SEPHS1: variants seen among roughly 807,000 people sequenced by gnomAD.
SEPHS1 encodes zincore component SEPHS1.
SEPHS1 carries 7 observed loss-of-function variants against 39.2 expected under a neutral mutation model. The observed-to-expected ratio is 0.18, with a 90% confidence interval of 0.10 to 0.34. SEPHS1 has a LOEUF of 0.34. SEPHS1 is among the 10% of genes least tolerant of loss of function. The pLI is 1.00. For missense variants in SEPHS1, 253 were observed against 514.5 expected, an observed-to-expected ratio of 0.49 and a Z score of 4.92; for synonymous variants, 190 against 195.5, an observed-to-expected ratio of 0.97 and a Z score of 0.23.
intron 2 of SEPHS1, among the ~76,000 whole-genome samples, chr10:13,344,150 G>GCA (rs1833866702): frequency 6.6e-6 from 1 of 152,120 alleles, no homozygotes; most frequent in Non-Finnish European, 1.5e-5. Flanking sequence ...TTCGCCCGAT[G>GCA]CACCCTGCAG....
At position 13,329,580 on chromosome 10, in the gene SEPHS1, G is replaced by A. The variant is rs116599653; in HGVS notation, c.651+118C>T. On this transcript the variant is annotated intron_variant, in intron 6 of 8. Transcript: ENST00000327347. The stretch of plus-strand genomic sequence containing the variant: ...ATTCCTAGGATTTCTTTAAGGACTT[G>A]ACTAATATTAACTCCCTGGATATGA... 1.0e-3 allele frequency: 715 copies of A among 689,308 alleles called. 3 individuals carry two copies. The African/African-American group carries it at 0.011, about 11-fold the overall frequency. The allele number at this position is 689,308 out of a possible 1,614,324, so 42.7% of individuals were successfully genotyped here.
chr10:13,331,132 G>T (rs1161150605), intron 5 of SEPHS1, among the ~76,000 whole-genome samples: 1 of 152,146 alleles, frequency 6.6e-6, no homozygotes, highest in Non-Finnish European at 1.5e-5. Flanking sequence ...ATGGTTTCCA[G>T]CTTCATCCAT....
chr10:13,323,784 C>T (rs1038774902), intron 7 of SEPHS1, among the ~76,000 whole-genome samples: 2 of 150,904 alleles, frequency 1.3e-5, no homozygotes, highest in Non-Finnish European at 2.9e-5. Context: ...CTCTATTGAC[C>T]AGGCTGGAGT....
At chr10:13,347,901 G>T (rs1337234207) in intron 1 of SEPHS1, 99 bp downstream of exon 1, 1 of 147,072 alleles carries the variant, frequency 6.8e-6, no homozygotes. Flanking sequence ...GGCGGTCCCG[G>T]GCGGCCCGGA....
In SEPHS1 at chr10:13,336,342, T is replaced by C. The variant is rs1833633330; in HGVS notation, c.306A>G (p.Ile102Met). The C allele has an allele frequency of 3.1e-6, 5 of 1,612,564 alleles. No homozygotes were observed. The East Asian group carries it at 8.9e-5, about 29-fold the overall frequency. The change falls in exon 4 of 9, where the codon ATA becomes ATG. Residue 102 changes from isoleucine (I) to methionine (M), a missense_variant. Transcript: ENST00000327347. ...IVDDPYMMGR[I>M]ACANVLSDLY... ...GGTCACTGAGGACATTGGCACACGC[T>C]ATCCTGCCCTGGGAAGAGAGGGAAA...
At chr10:13,343,304 G>C (rs1833845753) in intron 2 of SEPHS1, among the ~76,000 whole-genome samples, 1 of 151,986 alleles carries the variant, frequency 6.6e-6, no homozygotes, top group South Asian at 2.1e-4. Flanking sequence ...TCGCTCACAT[G>C]GTATTTCTCC....
At chr10:13,322,747 GGCCCACTCGGGGTGGGGCTGCT>G in intron 8 of SEPHS1, 66 bp downstream of exon 8, 1 of 1,235,442 alleles carries the variant, frequency 8.1e-7, no homozygotes, top group East Asian at 2.5e-5. Context: ...ACAGAGTGGG[GGCCCACTCGGGGTGGGGCTGCT>G]GCTTTCTCGC....
intron 8 of SEPHS1, among the ~76,000 whole-genome samples, chr10:13,320,310 T>A (rs1472665968): frequency 3.3e-5 from 5 of 151,710 alleles, no homozygotes; most frequent in African/African-American, 1.2e-4. Flanking sequence ...GCCTCCTGAG[T>A]AGCTGGGACT....
intron 5 of SEPHS1, 82 bp downstream of exon 5, chr10:13,333,735 T>A (rs1588541722): frequency 6.9e-7 from 1 of 1,445,474 alleles, no homozygotes; most frequent in Non-Finnish European, 9.6e-7. Context: ...CCACTGCACC[T>A]GACCTTAATA....
chr10:13,329,806 G>A lies in SEPHS1; in HGVS notation c.561-18C>T. The A allele has an allele frequency of 6.3e-7, 1 of 1,586,478 alleles. No individual in the cohort carries two copies. Among genetic ancestry groups the A allele is most frequent in the Non-Finnish European group, 8.6e-7 (1 of 1,162,794 alleles). ...TGTCTGGCCTGAAGAAAAGAAAAGG[G>A]CATGTTCTAGTCAAACTAACCAAGG... On this transcript the variant is annotated intron_variant, in intron 5 of 8. Coordinates refer to ENST00000327347, the MANE Select transcript of SEPHS1 (RefSeq NM_012247.5).
chr10:13,326,895 C>G (rs1035811209), intron 7 of SEPHS1, among the ~76,000 whole-genome samples: 1 of 152,008 alleles, frequency 6.6e-6, no homozygotes, highest in African/African-American at 2.4e-5. Context: ...AATTGTAAAA[C>G]AATAGGTAAA....
intron 8 of SEPHS1, among the ~76,000 whole-genome samples, chr10:13,320,005 C>T (rs966416502): frequency 2.6e-5 from 4 of 152,090 alleles, no homozygotes; most frequent in African/African-American, 7.2e-5. Flanking sequence ...TTCTCTACAT[C>T]GACTCTCTCA....
At chr10:13,334,357 A>G (rs1833561902) in intron 4 of SEPHS1, among the ~76,000 whole-genome samples, 1 of 152,132 alleles carries the variant, frequency 6.6e-6, no homozygotes, top group South Asian at 2.1e-4. Flanking sequence ...CCTGGCCAAC[A>G]TGGTGAAACC....
chr10:13,324,839 T>G (rs1833220298), intron 7 of SEPHS1, among the ~76,000 whole-genome samples: 1 of 152,152 alleles, frequency 6.6e-6, no homozygotes. Flanking sequence ...TTCTCAGTGT[T>G]TTGGATTTTA....
intron 5 of SEPHS1, among the ~76,000 whole-genome samples, 185 bp from the exon 6 acceptor site, chr10:13,329,973 C>A (rs546304463): frequency 6.6e-6 from 1 of 152,300 alleles, no homozygotes; most frequent in Admixed American, 6.5e-5. Flanking sequence ...ATTGCTGGAA[C>A]AAAACATTCA....
intron 5 of SEPHS1, 84 bp from the exon 6 acceptor site, chr10:13,329,872 T>G: frequency 8.7e-7 from 1 of 1,148,862 alleles, no homozygotes. Flanking sequence ...AGGAATAATC[T>G]GTCAAAAATA....
chr10:13,342,451 G>T (rs970380065), intron 2 of SEPHS1, among the ~76,000 whole-genome samples: 1 of 151,756 alleles, frequency 6.6e-6, no homozygotes, highest in Non-Finnish European at 1.5e-5. Context: ...GGGTGTGGTG[G>T]CATGCGCCTG....
chr10:13,326,499 T>C (rs1588536075), intron 7 of SEPHS1, among the ~76,000 whole-genome samples: 1 of 150,894 alleles, frequency 6.6e-6, no homozygotes. Flanking sequence ...ATCAGTTGAC[T>C]ATAATATGGA....
intron 7 of SEPHS1, among the ~76,000 whole-genome samples, chr10:13,325,755 G>C (rs571282218): frequency 6.6e-6 from 1 of 151,734 alleles, no homozygotes; most frequent in African/African-American, 2.4e-5. Flanking sequence ...AAATTAGTGG[G>C]GTGTGGTGGC....
Sources: allele counts gnomAD v4.1 joint callset (sites outside exome capture counted in the v4.1 genomes callset), GRCh38; gene constraint gnomAD v4.1.1; transcripts MANE v1.5; gene names NCBI Gene and HGNC (gene_info 2026-07-23, HGNC 2026-07-21).